Variants in ANGPTL2 observed in about 807,000 individuals in gnomAD.
ANGPTL2 encodes the protein angiopoietin-related protein 2.
In ANGPTL2, 25 loss-of-function variants were observed where a neutral mutation model predicts 52.8. The ratio of observed to expected loss-of-function variants is 0.47; its 90% CI spans 0.35 to 0.66. ANGPTL2 has a LOEUF of 0.66. Among genes scored for constraint, ANGPTL2 ranks in the 30% least tolerant of loss-of-function variants. ANGPTL2 has a pLI of 0.01. For synonymous variants in ANGPTL2, 276 were observed against 277.4 expected (o/e 1.00, Z 0.05); for missense variants, 546 against 656.9 (o/e 0.83, Z 1.84).
chr9:127,092,672 C>T (rs560917822), intron 3 of ANGPTL2, among the ~76,000 whole-genome samples: 5 of 152,118 alleles, frequency 3.3e-5, no homozygotes, highest in African/African-American at 7.2e-5. Flanking sequence ...AACTGAGGCC[C>T]AGAGAGGCTC....
chr9:127,100,634 C>A (rs994852418), intron 2 of ANGPTL2, among the ~76,000 whole-genome samples: 6 of 152,154 alleles, frequency 3.9e-5, no homozygotes, highest in Admixed American at 6.5e-5. Context: ...TAGAGGTGGG[C>A]AGTGCCCCAG....
chr9:127,116,303 C>T (rs1160519018), intron 1 of ANGPTL2, among the ~76,000 whole-genome samples: 2 of 151,608 alleles, frequency 1.3e-5, no homozygotes, highest in African/African-American at 4.9e-5. Context: ...TGTGGTCACA[C>T]CATGAGATCA....
intron 3 of ANGPTL2, among the ~76,000 whole-genome samples, chr9:127,092,495 G>A (rs1490393450): frequency 3.3e-5 from 5 of 152,036 alleles, no homozygotes; most frequent in African/African-American, 7.2e-5. Flanking sequence ...GCTGAGTTAC[G>A]GCCACTAAAG....
Position 127,091,616 on chromosome 9 carries a change from CTGGT to C in ANGPTL2, c.1282+50_1282+53del. On this transcript the variant is annotated intron_variant, in intron 4 of 4. Coordinates refer to ENST00000373425, the MANE Select transcript of ANGPTL2 (RefSeq NM_012098.3). This position sits in a 1 kb window ranked among gnomAD's most constrained non-coding sequence, Gnocchi z 4.3. ...AGCCCTGGAGTCAGGGGCTCTGGCT[CTGGT>C]TGACCTCTTTTCCCTACCCTGCACC... 1 of 1,577,942 alleles carries C rather than the reference CTGGT, an allele frequency of 6.3e-7. No individual in the cohort carries two copies. The highest frequency in any genetic ancestry group is 1.3e-5 in the African/African-American group (1 of 74,210).
rs1156240403 is a variant in ANGPTL2 at position 127,122,133 on chromosome 9, A to C, written c.-50+182T>G. 6.6e-6 allele frequency among the ~76,000 whole-genome samples: 1 copy of C among 151,948 alleles called. No homozygotes were observed. Among genetic ancestry groups the C allele is most frequent in the Non-Finnish European group, 1.5e-5 (1 of 67,964 alleles). ...GATCATGTGCCCCCAAACACCACCA[A>C]ATGTCCACAGGTTCTGCCCCGGACA... On this transcript the variant is annotated intron_variant, in intron 1 of 4. Coordinates refer to ENST00000373425, the MANE Select transcript of ANGPTL2 (RefSeq NM_012098.3). This position sits in a 1 kb window ranked among gnomAD's most constrained non-coding sequence, Gnocchi z 6.4.
chr9:127,108,700 A>T lies in ANGPTL2; in HGVS notation c.32T>A (p.Leu11His). MRPLCVTCWW[L>H]GLLAAMGAVA... ...AGCTCCCATGGCAGCCAGCAGTCCG[A>T]GCCACCAGCATGTCACGCACAGTGG... Residue 11 changes from leucine to histidine, a missense_variant, in exon 2 of 5, where the codon CTC becomes CAC. Coordinates refer to ENST00000373425, the MANE Select transcript of ANGPTL2 (RefSeq NM_012098.3). The T allele has an allele frequency of 6.2e-7, 1 of 1,612,640 alleles. No individual in the cohort carries two copies. Among genetic ancestry groups the T allele is most frequent in the Non-Finnish European group, 8.5e-7 (1 of 1,179,404 alleles).
intron 1 of ANGPTL2, among the ~76,000 whole-genome samples, chr9:127,121,668 C>A (rs1486383336): frequency 6.6e-6 from 1 of 152,234 alleles, no homozygotes; most frequent in East Asian, 1.9e-4. Flanking sequence ...GAAGCCGCAT[C>A]CTCCCTGTAT....
At position 127,100,458 on chromosome 9, in the gene ANGPTL2, G is replaced by A. The variant is rs553944934; in HGVS notation, c.818-6532C>T. Among the ~76,000 whole-genome samples the A allele has an allele frequency of 2.7e-3, 409 of 152,328 alleles. 3 individuals carry two copies. The highest frequency in any genetic ancestry group is 4.6e-3 in the Non-Finnish European group (310 of 68,034). The stretch of plus-strand genomic sequence containing the variant: ...GCGTCGCTCTTAGGTTTCCACCAGC[G>A]CTGTTGGGCAGGAGGAGAAACAGGG... On this transcript the variant is annotated intron_variant, in intron 2 of 4. Coordinates refer to ENST00000373425, the MANE Select transcript of ANGPTL2 (RefSeq NM_012098.3).
At chr9:127,114,833 G>A (rs756062355) in intron 1 of ANGPTL2, among the ~76,000 whole-genome samples, 6 of 152,260 alleles carry the variant, frequency 3.9e-5, no homozygotes, top group Non-Finnish European at 7.3e-5. Flanking sequence ...CTGTGCTTGA[G>A]TGAGTCTGGT....
At chr9:127,101,856 G>A (rs2053761947) in intron 2 of ANGPTL2, among the ~76,000 whole-genome samples, 1 of 152,126 alleles carries the variant, frequency 6.6e-6, no homozygotes, top group African/African-American at 2.4e-5. Context: ...TTCTCTGTGT[G>A]TATAGTAGTT....
chr9:127,116,817 T>G (rs1451151419), intron 1 of ANGPTL2, among the ~76,000 whole-genome samples: 1 of 152,204 alleles, frequency 6.6e-6, no homozygotes, highest in Non-Finnish European at 1.5e-5. Flanking sequence ...GCTATGACTA[T>G]CCTCATTTCA....
intron 1 of ANGPTL2, among the ~76,000 whole-genome samples, chr9:127,116,222 T>C (rs1050414509): frequency 5.3e-5 from 8 of 152,104 alleles, no homozygotes; most frequent in African/African-American, 1.7e-4. Context: ...ATCTGCCTGA[T>C]GCTTTGGGCT....
At chr9:127,097,288 G>A (rs1589450536) in intron 2 of ANGPTL2, among the ~76,000 whole-genome samples, 1 of 152,234 alleles carries the variant, frequency 6.6e-6, no homozygotes, top group South Asian at 2.1e-4. Context: ...AAAGGCAAAC[G>A]GGGTAATTCT....
intron 1 of ANGPTL2, among the ~76,000 whole-genome samples, chr9:127,119,071 G>C (rs1245004699): frequency 6.6e-6 from 1 of 151,984 alleles, no homozygotes; most frequent in African/African-American, 2.4e-5. Flanking sequence ...ACTGAGCTGG[G>C]GACAGAGTTT....
intron 1 of ANGPTL2, among the ~76,000 whole-genome samples, chr9:127,120,092 C>T (rs1269307824): frequency 6.6e-6 from 1 of 152,206 alleles, no homozygotes; most frequent in Non-Finnish European, 1.5e-5. Context: ...CAGACATGGC[C>T]ACCATAGTGC....
intron 4 of ANGPTL2, among the ~76,000 whole-genome samples, chr9:127,089,505 A>G (rs2052194396): frequency 6.6e-6 from 1 of 152,218 alleles, no homozygotes; most frequent in Non-Finnish European, 1.5e-5. Flanking sequence ...AGGGAACTCC[A>G]CACCTTGTGT....
chr9:127,089,362 C>G (rs917627861), intron 4 of ANGPTL2, among the ~76,000 whole-genome samples: 2 of 152,172 alleles, frequency 1.3e-5, no homozygotes, highest in African/African-American at 4.8e-5. Context: ...AGTGACTTGA[C>G]CTCTCCCAGC....
In ANGPTL2 at chr9:127,107,331, T is replaced by C. The variant is rs906323835; in HGVS notation, c.817+584A>G. 2.6e-5 allele frequency among the ~76,000 whole-genome samples: 4 copies of C among 152,234 alleles called. No homozygotes were observed. In the South Asian group the frequency reaches 8.3e-4, roughly 32 times the overall value. ...CCCATAACGGTATTCGGAGAATTGC[T>C]GTATTTTAAGATGAAACGTGTATGT... On this transcript the variant is annotated intron_variant, in intron 2 of 4. Coordinates refer to ENST00000373425, the MANE Select transcript of ANGPTL2 (RefSeq NM_012098.3).
intron 1 of ANGPTL2, among the ~76,000 whole-genome samples, chr9:127,117,796 C>T (rs1321769106): frequency 6.6e-6 from 1 of 152,254 alleles, no homozygotes; most frequent in African/African-American, 2.4e-5. Context: ...GCCTTTCCCT[C>T]ATGGAGGTTG....
Sources: gnomAD v4.1 joint callset for allele counts (sites outside exome capture counted in the v4.1 genomes callset) on GRCh38, gnomAD v4.1.1 for gene constraint, Gnocchi (gnomAD v3.1) non-coding constraint, MANE v1.5 for transcripts, NCBI Gene and HGNC (gene_info 2026-07-23, HGNC 2026-07-21) for gene names.